MAS1: variants seen among roughly 807,000 people sequenced by gnomAD.
MAS1 encodes proto-oncogene Mas.
For synonymous variants in MAS1, 163 were observed against 164.2 expected, an observed-to-expected ratio of 0.99 and a Z score of 0.05; for missense variants, 387 against 409.7, an observed-to-expected ratio of 0.94 and a Z score of 0.48.
rs1554229542 is a variant in MAS1 at position 159,908,509 on chromosome 6, G to GCGCACA, written c.*577_*578insGCACAC. 2.1e-5 allele frequency: 3 copies of GCGCACA among 145,978 alleles called. No homozygotes were observed. Among genetic ancestry groups the GCGCACA allele is most frequent in the Admixed American group, 1.4e-4 (2 of 14,498 alleles). The allele number at this position is 145,978 out of a possible 1,614,324, so 9.0% of individuals were successfully genotyped here. On this transcript the variant is annotated 3_prime_UTR_variant, in exon 3 of 3. Coordinates refer to ENST00000674077, the MANE Select transcript of MAS1 (RefSeq NM_002377.4). Reference sequence around the variant, plus strand: ...AAGATATAAATTTTTGTTTTGTAAAGCACACACACACACACACACACACAC... The same window carrying GCGCACA: ...AAGATATAAATTTTTGTTTTGTAAAGCGCACACACACACACACACACACACACACAC...
intron 2 of MAS1, among the ~76,000 whole-genome samples, chr6:159,904,582 C>A (rs1298828682): frequency 6.6e-6 from 1 of 152,256 alleles, no homozygotes; most frequent in Non-Finnish European, 1.5e-5. Context: ...TAGGCCAGTG[C>A]CTTCACCTCC....
In MAS1 at chr6:159,911,735, G is replaced by A. The variant is rs1782967703; in HGVS notation, c.*3802G>A. ...CACATCTTTCCCTTCCTCACTCTCAGCAAATGATGGCTGGCTCCCCTTTAC... is the reference window on the plus strand; with the variant it reads ...CACATCTTTCCCTTCCTCACTCTCAACAAATGATGGCTGGCTCCCCTTTAC... On this transcript the variant is annotated 3_prime_UTR_variant, in exon 3 of 3. Coordinates refer to ENST00000674077, the MANE Select transcript of MAS1 (RefSeq NM_002377.4). 1 of 152,076 alleles carries A rather than the reference G, an allele frequency of 6.6e-6. No individual in the cohort carries two copies. Among genetic ancestry groups the A allele is most frequent in the South Asian group, 2.1e-4 (1 of 4,824 alleles). The allele number at this position is 152,076 out of a possible 1,614,324, so 9.4% of individuals were successfully genotyped here. A position where few individuals can be genotyped will look rare whatever the true frequency, so the allele number is the denominator to read the frequency against.
chr6:159,906,234 T>A (rs1263369179), intron 2 of MAS1, among the ~76,000 whole-genome samples: 1 of 152,188 alleles, frequency 6.6e-6, no homozygotes, highest in Non-Finnish European at 1.5e-5. Flanking sequence ...CGTACATACG[T>A]CTTGTTAGGG....
intron 1 of MAS1, among the ~76,000 whole-genome samples, chr6:159,894,608 T>A (rs534913402): frequency 2.0e-5 from 3 of 152,066 alleles, no homozygotes; most frequent in South Asian, 2.1e-4. Flanking sequence ...GAAGTGGGGT[T>A]CCATAGCAAC....
rs1322609736 is a variant in MAS1 at position 159,891,008 on chromosome 6, G to A, written c.-369G>A. ...GCTCTGATTCCTTCAGAGATGAGAG[G>A]CTGCAGCCATCCTTCGAGATGTTGG... On this transcript the variant is annotated 5_prime_UTR_variant, in exon 1 of 3. Transcript: ENST00000674077. Among the ~76,000 whole-genome samples, 2 of 152,204 alleles carry A rather than the reference G, an allele frequency of 1.3e-5. No individual in the cohort carries two copies. Among genetic ancestry groups the A allele is most frequent in the Non-Finnish European group, 2.9e-5 (2 of 68,046 alleles).
At chr6:159,904,865 C>T (rs1322948510) in intron 2 of MAS1, among the ~76,000 whole-genome samples, 5 of 152,208 alleles carry the variant, frequency 3.3e-5, no homozygotes, top group Admixed American at 6.5e-5. Flanking sequence ...CTCCTGGCTG[C>T]CTCCTGCTTC....
At position 159,908,716 on chromosome 6, in the gene MAS1, G is replaced by A. The variant is rs1317386201; in HGVS notation, c.*783G>A. On this transcript the variant is annotated 3_prime_UTR_variant, in exon 3 of 3. Transcript: ENST00000674077. ...ATGTGCTAGTGCATCATTTCAGGTTGTGAAGAAATACATTTGGCCACCAGT... is the reference window on the plus strand; with the variant it reads ...ATGTGCTAGTGCATCATTTCAGGTTATGAAGAAATACATTTGGCCACCAGT... The A allele has an allele frequency of 6.6e-6, 1 of 152,128 alleles. No individual in the cohort carries two copies. The highest frequency in any genetic ancestry group is 1.5e-5 in the Non-Finnish European group (1 of 68,022). 9.4% of individuals were successfully genotyped at this position (152,128 alleles called of 1,614,324 possible).
intron 2 of MAS1, among the ~76,000 whole-genome samples, chr6:159,899,740 A>G (rs1028036547): frequency 1.3e-5 from 2 of 152,112 alleles, no homozygotes; most frequent in African/African-American, 4.8e-5. Flanking sequence ...CACTGTTTCA[A>G]AACAAAACAA....
At chr6:159,896,493 T>C (rs902611865) in intron 1 of MAS1, among the ~76,000 whole-genome samples, 1 of 152,204 alleles carries the variant, frequency 6.6e-6, no homozygotes, top group Non-Finnish European at 1.5e-5. Flanking sequence ...GTGTAAGACA[T>C]TGAACAAAGA....
chr6:159,900,317 A>G (rs1782808092), intron 2 of MAS1, among the ~76,000 whole-genome samples: 1 of 152,296 alleles, frequency 6.6e-6, no homozygotes, highest in African/African-American at 2.4e-5. Context: ...CACACTTCCC[A>G]ACCTCAAATA....
At chr6:159,893,293 T>C (rs1782721011) in intron 1 of MAS1, among the ~76,000 whole-genome samples, 1 of 152,148 alleles carries the variant, frequency 6.6e-6, no homozygotes, top group Non-Finnish European at 1.5e-5. Context: ...GCAGGGGATG[T>C]CAGTGCTGGG....
At chr6:159,891,225 CTT>C (rs1383372610) in intron 1 of MAS1, among the ~76,000 whole-genome samples, 92 bp downstream of exon 1, 4 of 152,156 alleles carry the variant, frequency 2.6e-5, no homozygotes, top group Non-Finnish European at 1.5e-5. Context: ...TTGGATAACT[CTT>C]TTCTGTGCTG....
chr6:159,890,244 C>T (rs1782681530), upstream of MAS1, among the ~76,000 whole-genome samples: 1 of 152,176 alleles, frequency 6.6e-6, no homozygotes, highest in East Asian at 1.9e-4. Flanking sequence ...AAAAACCTAA[C>T]CAAACAACAA....
At chr6:159,894,418 CAAA>C (rs5881344) in intron 1 of MAS1, among the ~76,000 whole-genome samples, 5 of 79,120 alleles carry the variant, frequency 6.3e-5, no homozygotes, top group Non-Finnish European at 7.6e-5. Flanking sequence ...GACCCTGTCT[CAAA>C]AAAAAAAAAA....
chr6:159,907,650 T>C lies in MAS1; in HGVS notation c.695T>C (p.Val232Ala), dbSNP rs780457504. ...TCCAAGCTTTACATAGTCATCATGGTCACCATCATTATATTCCTCATCTTC... is the reference window on the plus strand; with the variant it reads ...TCCAAGCTTTACATAGTCATCATGGCCACCATCATTATATTCCTCATCTTC... The part of the protein sequence containing the change: ...HSSKLYIVIM[V>A]TIIIFLIFAM... The change falls in exon 3 of 3, where the codon GTC becomes GCC. Residue 232 changes from valine to alanine, a missense_variant. Coordinates refer to ENST00000674077, the MANE Select transcript of MAS1 (RefSeq NM_002377.4). The C allele has an allele frequency of 6.2e-7, 1 of 1,613,840 alleles. No homozygotes were observed. The highest frequency in any genetic ancestry group is 2.2e-5 in the East Asian group (1 of 44,844).
At chr6:159,904,136 C>T (rs1782854014) in intron 2 of MAS1, among the ~76,000 whole-genome samples, 1 of 152,126 alleles carries the variant, frequency 6.6e-6, no homozygotes, top group Non-Finnish European at 1.5e-5. Context: ...AGTTTCCTCT[C>T]CTTCTTCCTC....
In MAS1 at chr6:159,917,424, G is replaced by T. The variant is rs1355041082; in HGVS notation, c.*9491G>T. On this transcript the variant is annotated 3_prime_UTR_variant, in exon 3 of 3. Transcript: ENST00000674077. ...ATTATTGGAACTTTTCAGAGATCAG[G>T]AATAAAATGTTCATGCATGAGAATT... is the stretch of plus-strand genomic sequence containing the variant. Among the ~76,000 whole-genome samples the T allele has an allele frequency of 6.6e-6, 1 of 152,220 alleles. No homozygotes were observed. The highest frequency in any genetic ancestry group is 1.9e-4 in the East Asian group (1 of 5,200).
At chr6:159,895,577 A>C (rs942028814) in intron 1 of MAS1, among the ~76,000 whole-genome samples, 1 of 152,248 alleles carries the variant, frequency 6.6e-6, no homozygotes, top group East Asian at 1.9e-4. Context: ...ATAGAGTATG[A>C]AAAAACAATC....
intron 2 of MAS1, among the ~76,000 whole-genome samples, chr6:159,900,418 G>C (rs1782808987): frequency 6.6e-6 from 1 of 152,174 alleles, no homozygotes; most frequent in Non-Finnish European, 1.5e-5. Flanking sequence ...GAGCACGTAG[G>C]GCCGGCTGTT....
Sources: gnomAD v4.1 joint callset for allele counts (sites outside exome capture counted in the v4.1 genomes callset) on GRCh38, gnomAD v4.1.1 for gene constraint, MANE v1.5 for transcripts, NCBI Gene and HGNC (gene_info 2026-07-23, HGNC 2026-07-21) for gene names.